Variants in WWC2 observed in about 807,000 individuals in gnomAD.
The protein encoded by WWC2 is protein WWC2.
WWC2 carries 101 observed loss-of-function variants against 138.5 expected under a neutral mutation model. That is an observed-to-expected ratio of 0.73 (90% CI 0.62 to 0.86). WWC2 has a LOEUF of 0.86. Ranked by LOEUF, WWC2 falls within the 40% of genes least tolerant of loss-of-function variation. The pLI is 0.00. For missense variants in WWC2, 1,420 were observed against 1,419.4 expected (o/e 1.00, Z -0.01); for synonymous variants, 558 against 538.4 (o/e 1.04, Z -0.50).
At chr4:183,174,843 G>C (rs879883050) in intron 1 of WWC2, among the ~76,000 whole-genome samples, 36 of 150,602 alleles carry the variant, frequency 2.4e-4, no homozygotes, top group African/African-American at 5.1e-4. Flanking sequence ...CTCTCTCTCT[G>C]TAATATTCTA....
intron 1 of WWC2, among the ~76,000 whole-genome samples, chr4:183,105,660 G>T (rs1743327345): frequency 6.6e-6 from 1 of 152,172 alleles, no homozygotes; most frequent in East Asian, 1.9e-4. Flanking sequence ...GGAGGCCAAG[G>T]CGGGTGGATC....
At chr4:183,302,829 C>A (rs9312313) in intron 21 of WWC2, among the ~76,000 whole-genome samples, 1 of 152,032 alleles carries the variant, frequency 6.6e-6, no homozygotes, top group Non-Finnish European at 1.5e-5. Flanking sequence ...TGTGTGAGGC[C>A]GAGACGGGTA....
intron 1 of WWC2, among the ~76,000 whole-genome samples, chr4:183,125,484 ATGTT>A (rs1190794598): frequency 6.6e-6 from 1 of 152,220 alleles, no homozygotes; most frequent in Non-Finnish European, 1.5e-5. Context: ...CTTCAATTAA[ATGTT>A]TGTTTGATTT....
intron 11 of WWC2, among the ~76,000 whole-genome samples, chr4:183,264,564 G>C (rs940715838): frequency 7.2e-5 from 11 of 152,212 alleles, no homozygotes; most frequent in Non-Finnish European, 1.5e-4. Context: ...GAGACCAAAA[G>C]AGGTGGAAAC....
At chr4:183,152,721 A>C (rs1733677254) in intron 1 of WWC2, among the ~76,000 whole-genome samples, 1 of 151,452 alleles carries the variant, frequency 6.6e-6, no homozygotes, top group Non-Finnish European at 1.5e-5. Flanking sequence ...GTCTTTACTA[A>C]ATATACAAAA....
intron 5 of WWC2, among the ~76,000 whole-genome samples, chr4:183,244,949 A>C (rs1251134032): frequency 6.6e-6 from 1 of 152,104 alleles, no homozygotes; most frequent in Non-Finnish European, 1.5e-5. Context: ...GTTTGAAGTG[A>C]GGGATGGGAG....
chr4:183,276,351 T>C (rs531519364), intron 16 of WWC2, among the ~76,000 whole-genome samples: 55 of 152,226 alleles, frequency 3.6e-4, no homozygotes, highest in Non-Finnish European at 5.9e-4. Context: ...GATCCTATTA[T>C]CTTCCTATTT....
chr4:183,295,417 T>G (rs949999675), intron 21 of WWC2, among the ~76,000 whole-genome samples: 3 of 152,174 alleles, frequency 2.0e-5, no homozygotes, highest in Non-Finnish European at 2.9e-5. Context: ...GGTGAATAGA[T>G]CAATACAGCC....
chr4:183,278,612 A>G (rs1275326719), intron 16 of WWC2, among the ~76,000 whole-genome samples: 2 of 151,946 alleles, frequency 1.3e-5, no homozygotes, highest in African/African-American at 4.8e-5. Context: ...ACCCATGAGC[A>G]TGGAATGTTC....
Position 183,241,084 on chromosome 4 carries a change from C to T in WWC2, c.602+822C>T, listed in dbSNP as rs150098694. ...CATGGTTTTCACAGCCACATGACCACGGAGAGGAGTTAAAACTTCCCTCCT... is the reference window on the plus strand; with the variant it reads ...CATGGTTTTCACAGCCACATGACCATGGAGAGGAGTTAAAACTTCCCTCCT... On this transcript the variant is annotated intron_variant, in intron 5 of 22. Transcript: ENST00000403733. 2.0e-4 allele frequency among the ~76,000 whole-genome samples: 31 copies of T among 152,304 alleles called. No individual in the cohort carries two copies. In the East Asian group the frequency reaches 4.4e-3, roughly 22 times the overall value.
intron 21 of WWC2, among the ~76,000 whole-genome samples, chr4:183,298,997 C>G (rs1042783066): frequency 2.0e-5 from 3 of 152,152 alleles, no homozygotes. Flanking sequence ...GGAAACTATG[C>G]TGTCTTAGTC....
At position 183,271,130 on chromosome 4, in the gene WWC2, C is replaced by T. The variant is rs1737682881; in HGVS notation, c.2451C>T (p.Phe817=). 1.9e-6 allele frequency: 3 copies of T among 1,610,708 alleles called. No individual in the cohort carries two copies. Among genetic ancestry groups the T allele is most frequent in the Non-Finnish European group, 2.5e-6 (3 of 1,178,372 alleles). Residue 817 remains phenylalanine, a synonymous_variant, in exon 16 of 23, where the codon TTC becomes TTT. Transcript: ENST00000403733. The part of the protein sequence containing the change: ...LADLPFSSEV[F]TLWYNLLPSK... ...ATTTACCATTTTCCAGTGAGGTTTT[C>T]ACTCTATGGTATAACTTGCTTCCTT...
At chr4:183,231,485 A>C (rs62356738) in intron 4 of WWC2, among the ~76,000 whole-genome samples, 21 of 151,574 alleles carry the variant, frequency 1.4e-4, no homozygotes, top group Admixed American at 3.3e-4. Flanking sequence ...GGCCAGGCTG[A>C]TCTTGAACTC....
Position 183,253,901 on chromosome 4 carries a change from T to C in WWC2, c.1098T>C (p.Arg366=), listed in dbSNP as rs1248786819. The change falls in exon 9 of 23, where the codon CGT becomes CGC. Residue 366 remains arginine, a synonymous_variant. Coordinates refer to ENST00000403733, the MANE Select transcript of WWC2 (RefSeq NM_024949.6). ...TTCAGTTCGTCACCCCACAGAAACG[T>C]ACCCAAGATGAATTAGAACGCCTAG... ...KELQFVTPQK[R]TQDELERLEA... The C allele has an allele frequency of 1.2e-6, 2 of 1,613,880 alleles. No individual in the cohort carries two copies. Among genetic ancestry groups the C allele is most frequent in the African/African-American group, 2.7e-5 (2 of 75,022 alleles).
chr4:183,156,944 T>C (rs1217025112), intron 1 of WWC2, among the ~76,000 whole-genome samples: 1 of 152,204 alleles, frequency 6.6e-6, no homozygotes, highest in Admixed American at 6.5e-5. Flanking sequence ...TCGTACTCAT[T>C]AATTTTTGTT....
chr4:183,240,312 A>G (rs146731777), intron 5 of WWC2, 50 bp downstream of exon 5: 33 of 1,387,002 alleles, frequency 2.4e-5, no homozygotes, highest in Non-Finnish European at 2.8e-5. Context: ...CCTAACTAGT[A>G]TGAATACAAA....
intron 4 of WWC2, among the ~76,000 whole-genome samples, chr4:183,227,775 C>A (rs1264792906): frequency 6.6e-6 from 1 of 151,880 alleles, no homozygotes; most frequent in African/African-American, 2.4e-5. Context: ...TAACCATTAA[C>A]CAGAATGTTA....
At chr4:183,254,468 G>A (rs1261464021) in intron 9 of WWC2, among the ~76,000 whole-genome samples, 1 of 152,182 alleles carries the variant, frequency 6.6e-6, no homozygotes, top group Non-Finnish European at 1.5e-5. Context: ...CATTTTGTTT[G>A]TCAGTTGCAT....
intron 14 of WWC2, 22 bp downstream of exon 14, chr4:183,265,973 C>T (rs1382794792): frequency 2.5e-6 from 4 of 1,585,388 alleles, no homozygotes; most frequent in Non-Finnish European, 3.4e-6. Flanking sequence ...CAGCGAAGAT[C>T]AAATTGAGGA....
Sources: gnomAD v4.1 joint callset for allele counts (sites outside exome capture counted in the v4.1 genomes callset) on GRCh38, gnomAD v4.1.1 for gene constraint, MANE v1.5 for transcripts, NCBI Gene and HGNC (gene_info 2026-07-23, HGNC 2026-07-21) for gene names.